Variants in EXOC6B observed in about 807,000 individuals in gnomAD.
The protein encoded by EXOC6B is exocyst complex component 6B.
In EXOC6B, 54 loss-of-function variants were observed where a neutral mutation model predicts 113.5. The observed-to-expected ratio is 0.48, with a 90% confidence interval of 0.38 to 0.60. EXOC6B has a LOEUF of 0.60. EXOC6B is among the 20% of genes least tolerant of loss of function. The pLI, the probability that EXOC6B is intolerant of heterozygous loss-of-function variation, is 0.00. For missense variants in EXOC6B, 797 were observed against 977.5 expected (o/e 0.82, Z 2.46); for synonymous variants, 357 against 339.0 (o/e 1.05, Z -0.58).
chr2:72,389,392 T>C (rs1692233575), intron 18 of EXOC6B, among the ~76,000 whole-genome samples: 1 of 152,004 alleles, frequency 6.6e-6, no homozygotes, highest in Admixed American at 6.5e-5. Flanking sequence ...TATCAATATA[T>C]ACATTGTCAT....
chr2:72,515,638 CA>C (rs1027934301), intron 8 of EXOC6B: 13 of 989,064 alleles, frequency 1.3e-5, no homozygotes, highest in African/African-American at 7.0e-5. Context: ...AAAACAAAAA[CA>C]AAAGCATGAA....
chr2:72,622,237 A>C (rs1011630952), intron 6 of EXOC6B, among the ~76,000 whole-genome samples: 1 of 151,340 alleles, frequency 6.6e-6, no homozygotes, highest in Non-Finnish European at 1.5e-5. Flanking sequence ...AGTACAAAAA[A>C]AAAAAACTCT....
chr2:72,763,207 TTG>T (rs1213582892), intron 1 of EXOC6B, among the ~76,000 whole-genome samples: 1 of 152,094 alleles, frequency 6.6e-6, no homozygotes, highest in African/African-American at 2.4e-5. Flanking sequence ...ATATAGGTAA[TTG>T]TGTTAACATA....
intron 18 of EXOC6B, 152 bp downstream of exon 18, chr2:72,465,008 A>T: frequency 1.5e-6 from 1 of 650,462 alleles, no homozygotes; most frequent in Non-Finnish European, 2.7e-6. Flanking sequence ...AGTAGCCTCT[A>T]CATATCATTA....
In EXOC6B at chr2:72,817,223, T is replaced by C. The variant is rs542152618; in HGVS notation, c.113+8575A>G. Reference sequence around the variant, plus strand: ...TTACTATTCTTAAACCTGCAAACTTTTGACAGCACTACAAAGAACACTGAG... The same window carrying C: ...TTACTATTCTTAAACCTGCAAACTTCTGACAGCACTACAAAGAACACTGAG... On this transcript the variant is annotated intron_variant, in intron 1 of 21. Transcript: ENST00000272427. 4.6e-5 allele frequency among the ~76,000 whole-genome samples: 7 copies of C among 152,350 alleles called. No homozygotes were observed. In the East Asian group the frequency reaches 1.3e-3, roughly 29 times the overall value.
rs528463468 is a variant in EXOC6B at position 72,470,044 on chromosome 2, T to G, written c.1801-4705A>C. Among the ~76,000 whole-genome samples, 10 of 152,252 alleles carry G rather than the reference T, an allele frequency of 6.6e-5. No individual in the cohort carries two copies. In the South Asian group the frequency reaches 1.7e-3, roughly 25 times the overall value. Reference sequence around the variant, plus strand: ...ATGTACTTTTAGATTTTGCTCAGAATTGTTTTGGCTATTCGTGTTCTTTTT... The same window carrying G: ...ATGTACTTTTAGATTTTGCTCAGAAGTGTTTTGGCTATTCGTGTTCTTTTT... On this transcript the variant is annotated intron_variant, in intron 17 of 21. Coordinates refer to ENST00000272427, the MANE Select transcript of EXOC6B (RefSeq NM_015189.3).
rs1178242858 is a variant in EXOC6B, at chr2:72,820,600, G to A, written c.113+5198C>T. On this transcript the variant is annotated intron_variant, in intron 1 of 21. Transcript: ENST00000272427. ...CCCTGGGTGAGAATACTAAATGAAGGAAGTTAGGCTAGCTAGCAAAAATCA... is the reference window on the plus strand; with the variant it reads ...CCCTGGGTGAGAATACTAAATGAAGAAAGTTAGGCTAGCTAGCAAAAATCA... Among the ~76,000 whole-genome samples the A allele has an allele frequency of 2.0e-5, 3 of 152,074 alleles. No homozygotes were observed. The East Asian group carries it at 5.8e-4, about 29-fold the overall frequency.
At chr2:72,348,149 T>A (rs1689442105) in intron 19 of EXOC6B, among the ~76,000 whole-genome samples, 1 of 152,170 alleles carries the variant, frequency 6.6e-6, no homozygotes, top group Non-Finnish European at 1.5e-5. Flanking sequence ...TAACACCTGC[T>A]TATTGTAGGC....
chr2:72,594,292 C>A (rs1369840648), intron 6 of EXOC6B, among the ~76,000 whole-genome samples: 3 of 152,074 alleles, frequency 2.0e-5, no homozygotes. Context: ...CTGTATTAAA[C>A]ATTTAAGGAA....
chr2:72,512,592 C>G (rs991088286), intron 11 of EXOC6B, among the ~76,000 whole-genome samples: 14 of 151,140 alleles, frequency 9.3e-5, no homozygotes, highest in African/African-American at 3.4e-4. Context: ...CTTTTTTTTT[C>G]AAAAGGTAAC....
chr2:72,565,798 C>T (rs1704137047), intron 7 of EXOC6B, among the ~76,000 whole-genome samples: 1 of 152,074 alleles, frequency 6.6e-6, no homozygotes, highest in Admixed American at 6.5e-5. Flanking sequence ...TAAATACTCT[C>T]TTAAAGAAGC....
intron 5 of EXOC6B, among the ~76,000 whole-genome samples, chr2:72,730,089 G>C (rs1176913416): frequency 6.6e-6 from 1 of 152,108 alleles, no homozygotes; most frequent in Non-Finnish European, 1.5e-5. Context: ...GCTTATTCTA[G>C]TTTGGGGAGC....
At chr2:72,345,997 A>C (rs566030492) in intron 19 of EXOC6B, among the ~76,000 whole-genome samples, 3 of 152,248 alleles carry the variant, frequency 2.0e-5, no homozygotes, top group Admixed American at 2.0e-4. Flanking sequence ...TGTTCCAAAA[A>C]TTAAAGTCTG....
At chr2:72,704,395 C>T (rs1678681681) in intron 6 of EXOC6B, among the ~76,000 whole-genome samples, 2 of 149,546 alleles carry the variant, frequency 1.3e-5, no homozygotes, top group South Asian at 4.4e-4. Flanking sequence ...AAAATTGACA[C>T]CCTAACATCA....
intron 6 of EXOC6B, among the ~76,000 whole-genome samples, chr2:72,590,428 G>A (rs563980993): frequency 6.6e-6 from 1 of 151,810 alleles, no homozygotes; most frequent in East Asian, 1.9e-4. Flanking sequence ...ATATTAACAA[G>A]AAAACAATAT....
intron 18 of EXOC6B, among the ~76,000 whole-genome samples, chr2:72,420,279 G>A (rs182684256): frequency 5.9e-5 from 9 of 152,084 alleles, no homozygotes; most frequent in Non-Finnish European, 1.3e-4. Context: ...GGGTACATGT[G>A]CAGAATGTGC....
intron 6 of EXOC6B, among the ~76,000 whole-genome samples, chr2:72,674,029 TG>T (rs953228030): frequency 5.3e-5 from 8 of 151,874 alleles, no homozygotes; most frequent in East Asian, 1.9e-4. Context: ...TGAAACGATT[TG>T]GGGGGGGTTT....
chr2:72,643,098 A>C (rs951149654), intron 6 of EXOC6B, among the ~76,000 whole-genome samples: 9 of 152,150 alleles, frequency 5.9e-5, no homozygotes, highest in African/African-American at 1.9e-4. Context: ...GCAATCATTA[A>C]AAAATCAGGA....
At chr2:72,521,974 G>A (rs1158850034) in intron 8 of EXOC6B, among the ~76,000 whole-genome samples, 1 of 152,140 alleles carries the variant, frequency 6.6e-6, no homozygotes, top group Non-Finnish European at 1.5e-5. Context: ...GGGATTACAG[G>A]CATGAGCCAC....
Sources: allele counts gnomAD v4.1 joint callset (sites outside exome capture counted in the v4.1 genomes callset), GRCh38; gene constraint gnomAD v4.1.1; transcripts MANE v1.5; gene names NCBI Gene and HGNC (gene_info 2026-07-23, HGNC 2026-07-21).